ATG10: variants seen among roughly 807,000 people sequenced by gnomAD.
ATG10 encodes ubiquitin-like-conjugating enzyme ATG10.
ATG10 carries 30 observed loss-of-function variants against 32.1 expected under a neutral mutation model. The ratio of observed to expected loss-of-function variants is 0.94; its 90% CI spans 0.70 to 1.27. The LOEUF is 1.27. ATG10 is among the 50% of genes most tolerant of loss of function. The pLI is 0.00. For missense variants in ATG10, 233 were observed against 262.3 expected (o/e 0.89, Z 0.77); for synonymous variants, 87 against 91.5 (o/e 0.95, Z 0.28).
chr5:82,071,514 T>G (rs1264745163), intron 3 of ATG10, among the ~76,000 whole-genome samples: 1 of 152,136 alleles, frequency 6.6e-6, no homozygotes, highest in Non-Finnish European at 1.5e-5. Context: ...AAATGTTTCT[T>G]CAAATCATAC....
chr5:82,043,461 T>G (rs2149730521), intron 2 of ATG10, among the ~76,000 whole-genome samples: 1 of 152,334 alleles, frequency 6.6e-6, no homozygotes, highest in East Asian at 1.9e-4. Flanking sequence ...TTATTAACAT[T>G]CAGCTTCTCA....
At chr5:82,111,352 A>G (rs1260153423) in intron 3 of ATG10, 2 of 151,842 alleles carry the variant, frequency 1.3e-5, no homozygotes, top group Non-Finnish European at 2.9e-5. Context: ...CTGGGTGACC[A>G]TTTTGTGTTA....
At chr5:82,181,018 A>G (rs1744209760) in intron 5 of ATG10, among the ~76,000 whole-genome samples, 1 of 152,158 alleles carries the variant, frequency 6.6e-6, no homozygotes, top group Non-Finnish European at 1.5e-5. Context: ...AATAGAATTG[A>G]CGAATGTCTT....
intron 2 of ATG10, among the ~76,000 whole-genome samples, chr5:82,049,107 C>T (rs953720978): frequency 2.0e-5 from 3 of 150,482 alleles, no homozygotes; most frequent in Non-Finnish European, 4.4e-5. Flanking sequence ...ACGTATGTTT[C>T]TTGCGGCATT....
At chr5:82,214,061 A>G (rs1745588136) in intron 5 of ATG10, among the ~76,000 whole-genome samples, 2 of 152,154 alleles carry the variant, frequency 1.3e-5, no homozygotes, top group Admixed American at 1.3e-4. Context: ...TGTACTACCT[A>G]AACTACTCAT....
At chr5:82,144,288 AT>A (rs150627410) in intron 3 of ATG10, among the ~76,000 whole-genome samples, 2 of 150,050 alleles carry the variant, frequency 1.3e-5, no homozygotes, top group East Asian at 2.0e-4. Flanking sequence ...TGGTTTTCTT[AT>A]TTTTTTTCTC....
At chr5:82,248,457 G>A (rs1030556154) in intron 5 of ATG10, among the ~76,000 whole-genome samples, 2 of 152,192 alleles carry the variant, frequency 1.3e-5, no homozygotes, top group Admixed American at 1.3e-4. Context: ...GGGACATTGG[G>A]GAAGAGGAGG....
intron 5 of ATG10, among the ~76,000 whole-genome samples, chr5:82,247,571 A>G (rs977206869): frequency 1.3e-5 from 2 of 152,210 alleles, no homozygotes; most frequent in African/African-American, 4.8e-5. Flanking sequence ...GTTTTCTTTA[A>G]TTCACTGAAC....
At chr5:81,999,421 C>A (rs1209002870) in intron 2 of ATG10, among the ~76,000 whole-genome samples, 1 of 151,934 alleles carries the variant, frequency 6.6e-6, no homozygotes, top group African/African-American at 2.4e-5. Context: ...ATGCCCACAT[C>A]AAAAAGTTAG....
chr5:81,982,969 G>A lies in ATG10; in HGVS notation c.-12-4590G>A, dbSNP rs546150905. 4.1e-4 allele frequency among the ~76,000 whole-genome samples: 62 copies of A among 152,278 alleles called. 3 individuals are homozygous for A. The South Asian group carries it at 0.012, about 29-fold the overall frequency. Reference sequence around the variant, plus strand: ...TGTCTACCTCTTTCTACACAGACACGGCAACCATCCCATTTCTCAGTCTTT... The same window carrying A: ...TGTCTACCTCTTTCTACACAGACACAGCAACCATCCCATTTCTCAGTCTTT... On this transcript the variant is annotated intron_variant, in intron 1 of 7. Transcript: ENST00000282185.
intron 5 of ATG10, among the ~76,000 whole-genome samples, chr5:82,226,776 C>T (rs185877468): frequency 1.3e-5 from 2 of 152,308 alleles, no homozygotes; most frequent in African/African-American, 2.4e-5. Flanking sequence ...AGCACTATTA[C>T]AGGCCTGCTA....
intron 3 of ATG10, among the ~76,000 whole-genome samples, chr5:82,072,826 GT>G (rs966845052): frequency 3.3e-5 from 5 of 152,132 alleles, no homozygotes; most frequent in African/African-American, 1.2e-4. Context: ...CAGGAAACCT[GT>G]GATAGACTGA....
chr5:81,979,008 T>G (rs574193789), intron 1 of ATG10, among the ~76,000 whole-genome samples: 45 of 152,146 alleles, frequency 3.0e-4, no homozygotes, highest in Non-Finnish European at 5.7e-4. Flanking sequence ...TAAGTGATTC[T>G]CCTGCCTCAG....
chr5:82,012,096 ACAGCC>A (rs919582184), intron 2 of ATG10, among the ~76,000 whole-genome samples: 1 of 152,162 alleles, frequency 6.6e-6, no homozygotes, highest in Non-Finnish European at 1.5e-5. Flanking sequence ...TGCTGGTTTC[ACAGCC>A]TGTGGTCCTG....
intron 3 of ATG10, among the ~76,000 whole-genome samples, chr5:82,159,760 G>T (rs1581754747): frequency 6.6e-6 from 1 of 151,868 alleles, no homozygotes; most frequent in East Asian, 1.9e-4. Context: ...TGATCCCTCT[G>T]TCATCTGTAT....
At chr5:82,160,804 T>C (rs1743300616) in intron 3 of ATG10, among the ~76,000 whole-genome samples, 1 of 152,200 alleles carries the variant, frequency 6.6e-6, no homozygotes, top group South Asian at 2.1e-4. Context: ...ATATCCTCTT[T>C]GGTGATATTT....
chr5:82,093,830 A>G (rs1319694240), intron 3 of ATG10, among the ~76,000 whole-genome samples: 1 of 152,092 alleles, frequency 6.6e-6, no homozygotes, highest in Non-Finnish European at 1.5e-5. Flanking sequence ...TTTTGTTAGG[A>G]GGGACCCAGC....
intron 2 of ATG10, among the ~76,000 whole-genome samples, chr5:82,031,644 G>C (rs1338927565): frequency 6.6e-6 from 1 of 152,228 alleles, no homozygotes; most frequent in Non-Finnish European, 1.5e-5. Context: ...AGGCATACAT[G>C]GAGTAGTGAG....
In ATG10 at chr5:82,207,808, T is replaced by C. The variant is rs77523845; in HGVS notation, c.453+29221T>C. Among the ~76,000 whole-genome samples the C allele has an allele frequency of 1.5e-3, 226 of 152,308 alleles. 2 individuals carry two copies. The East Asian group carries it at 0.019, about 13-fold the overall frequency. On this transcript the variant is annotated intron_variant, in intron 5 of 7. Transcript: ENST00000282185. ...CCCAATGCAGTGGTCACTAGTCACA[T>C]GTGACTGCTGAGCCCTGGAAATGTG...
Sources: allele counts gnomAD v4.1 joint callset (sites outside exome capture counted in the v4.1 genomes callset), GRCh38; gene constraint gnomAD v4.1.1; transcripts MANE v1.5; gene names NCBI Gene and HGNC (gene_info 2026-07-23, HGNC 2026-07-21).